Variants in HTT observed in about 807,000 individuals in gnomAD.
The protein encoded by HTT is huntington disease protein.
A neutral mutation model predicts 362.3 loss-of-function variants in HTT; 104 were observed. The ratio of observed to expected loss-of-function variants is 0.29; its 90% confidence interval spans 0.24 to 0.34. The LOEUF (loss-of-function observed/expected upper bound fraction) is 0.34. HTT is among the 10% of genes least tolerant of loss of function. HTT has a pLI of 1.00. For missense variants in HTT, 3,301 were observed against 3,928.6 expected (o/e 0.84, Z 4.27); for synonymous variants, 1,577 against 1,548.7 (o/e 1.02, Z -0.43).
chr4:3,116,284 C>G, intron 8 of HTT, 21 bp downstream of exon 8: 6 of 1,575,644 alleles, frequency 3.8e-6, no homozygotes, highest in Non-Finnish European at 5.2e-6. Flanking sequence ...AGGGTTTACT[C>G]TAGGCCCTGC....
At chr4:3,104,406 C>A (rs1375980246) in intron 4 of HTT, among the ~76,000 whole-genome samples, 1 of 151,550 alleles carries the variant, frequency 6.6e-6, no homozygotes, top group Non-Finnish European at 1.5e-5. Context: ...ATCAGGAGTT[C>A]GAGACCAGCC....
At chr4:3,136,047 A>T in intron 20 of HTT, 80 bp downstream of exon 20, 2 of 1,055,458 alleles carry the variant, frequency 1.9e-6, no homozygotes, top group Non-Finnish European at 2.8e-6. Context: ...ATTTCTCTAA[A>T]TGCATTCGTC....
chr4:3,132,421 G>A, intron 16 of HTT, 141 bp from the exon 17 acceptor site: 1 of 664,590 alleles, frequency 1.5e-6, no homozygotes, highest in South Asian at 2.1e-5. Context: ...AATCACTTAG[G>A]GTTATTATAG....
chr4:3,088,350 C>A (rs1016034668), intron 2 of HTT, among the ~76,000 whole-genome samples: 22 of 151,754 alleles, frequency 1.4e-4, no homozygotes, highest in African/African-American at 5.1e-4. Flanking sequence ...CCACACCCGG[C>A]TAATTTTTTG....
rs1409599261 is a variant in HTT at position 3,233,244 on chromosome 4, C to T, written c.8347C>T (p.Leu2783=). Reference sequence around the variant, plus strand: ...CCACCTGCCCAGCAGGGTTGGAGCCCTGCACGGCGTCCTCTATGTGCTGGA... The same window carrying T: ...CCACCTGCCCAGCAGGGTTGGAGCCTTGCACGGCGTCCTCTATGTGCTGGA... ...SSHLPSRVGA[L]HGVLYVLECD... is the part of the protein sequence containing the mutation. Residue 2783 remains leucine, a synonymous_variant, in exon 61 of 67, where the codon CTG becomes TTG. Transcript: ENST00000355072. The T allele has an allele frequency of 1.2e-6, 2 of 1,610,898 alleles. No individual in the cohort carries two copies. The highest frequency in any genetic ancestry group is 2.7e-5 in the African/African-American group (2 of 74,910).
Position 3,121,338 on chromosome 4 carries a change from A to AACCCTG in HTT, c.1183_1188dup (p.Leu395_Thr396dup). ...GAACGCCTCCACCCGAGCTTCTGCA[A>AACCCTG]ACCCTGACCGCAGTCGGGGGCATTG... is the stretch of plus-strand genomic sequence containing the variant. On this transcript the variant is annotated inframe_insertion, in exon 9 of 67. Transcript: ENST00000355072. 1 of 1,614,148 alleles carries AACCCTG rather than the reference A, an allele frequency of 6.2e-7. No homozygotes were observed. Among genetic ancestry groups the AACCCTG allele is most frequent in the Non-Finnish European group, 8.5e-7 (1 of 1,180,004 alleles).
At chr4:3,103,029 G>A (rs76115487) in intron 3 of HTT, among the ~76,000 whole-genome samples, 2,049 of 151,996 alleles carry the variant, frequency 0.013, 52 homozygotes, top group African/African-American at 0.047. Context: ...GCAGGACTCC[G>A]CCTTGGGAAG....
intron 40 of HTT, among the ~76,000 whole-genome samples, chr4:3,192,317 A>C (rs1719048450): frequency 6.6e-6 from 1 of 152,082 alleles, no homozygotes; most frequent in African/African-American, 2.4e-5. Context: ...GCTTCAGGCG[A>C]TCCTCCTGCC....
At chr4:3,186,973 C>T (rs1201129136) in intron 38 of HTT, among the ~76,000 whole-genome samples, 4 of 151,586 alleles carry the variant, frequency 2.6e-5, no homozygotes, top group African/African-American at 9.7e-5. Context: ...ATTCTCCTGC[C>T]TCAGCCTCCC....
chr4:3,219,188 G>A (rs1244471871), intron 52 of HTT, among the ~76,000 whole-genome samples: 2 of 152,166 alleles, frequency 1.3e-5, no homozygotes, highest in Non-Finnish European at 2.9e-5. Flanking sequence ...TTGCTGCATG[G>A]GGTTGCTCTC....
chr4:3,228,534 T>C lies in HTT; in HGVS notation c.7849-81T>C, dbSNP rs2110294126. On this transcript the variant is annotated intron_variant, in intron 57 of 66. Coordinates refer to ENST00000355072, the MANE Select transcript of HTT (RefSeq NM_001388492.1). This position sits in a 1 kb window ranked among gnomAD's most constrained non-coding sequence, Gnocchi z 4.3. ...AGACTGTTAGACGGTAGGCATGTGC[T>C]GAGTCCCAGTGGCCACACCCACCCA... The C allele has an allele frequency of 6.9e-7, 1 of 1,456,838 alleles. No individual in the cohort carries two copies. The highest frequency in any genetic ancestry group is 1.4e-5 in the South Asian group (1 of 70,512). 90.2% of individuals were successfully genotyped at this position (1,456,838 alleles called of 1,614,324 possible).
chr4:3,108,460 C>G (rs77080756), intron 6 of HTT, among the ~76,000 whole-genome samples: 1 of 152,176 alleles, frequency 6.6e-6, no homozygotes, highest in East Asian at 1.9e-4. Flanking sequence ...GGAGTAGGTG[C>G]TCCTTTGTGG....
chr4:3,209,831 G>A lies in HTT; in HGVS notation c.6296G>A (p.Trp2099Ter). The A allele has an allele frequency of 6.2e-7, 1 of 1,613,832 alleles. No homozygotes were observed. The highest frequency in any genetic ancestry group is 8.5e-7 in the Non-Finnish European group (1 of 1,179,856). The change falls in exon 47 of 67, where the codon TGG (tryptophan) becomes TAG (stop). Residue 2099 changes from tryptophan to a stop codon, truncating the protein, a stop_gained. Transcript: ENST00000355072. LOFTEE classifies it high-confidence loss of function. The stretch of plus-strand genomic sequence containing the variant: ...TATCCATTTTTTTCTTCCCAGGACT[G>A]GTACGTTCATCTTGTCAAATCCCAG... ...SLETVSPDKD[W>*]YVHLVKSQCW...
chr4:3,178,816 C>T (rs990233616), intron 35 of HTT, among the ~76,000 whole-genome samples: 6 of 152,040 alleles, frequency 3.9e-5, no homozygotes, highest in African/African-American at 9.7e-5. Context: ...TCGAACTTGC[C>T]GTGAATTAAA....
chr4:3,127,466 C>G lies in HTT; in HGVS notation c.1605C>G (p.Ser535Arg). Reference protein sequence around the residue: ...DEEDILSHSSSQVSAVPSDPA... With the variant: ...DEEDILSHSSRQVSAVPSDPA... ...AGGATATCTTGAGCCACAGCTCCAGCCAGGTCAGCGCCGTCCCATCTGACC... is the reference window on the plus strand; with the variant it reads ...AGGATATCTTGAGCCACAGCTCCAGGCAGGTCAGCGCCGTCCCATCTGACC... Residue 535 changes from serine to arginine, a missense_variant, in exon 12 of 67, where the codon AGC (serine) becomes AGG (arginine). Physicochemically the swap from Ser to Arg is moderately radical, Grantham distance 110. Transcript: ENST00000355072. 1 of 1,614,160 alleles carries G rather than the reference C, an allele frequency of 6.2e-7. No homozygotes were observed. Among genetic ancestry groups the G allele is most frequent in the Non-Finnish European group, 8.5e-7 (1 of 1,180,014 alleles).
chr4:3,233,375 G>C, intron 61 of HTT, 22 bp downstream of exon 61: 1 of 1,580,982 alleles, frequency 6.3e-7, no homozygotes, highest in East Asian at 2.3e-5. Context: ...CCTGGCTGGG[G>C]CTGGGGCGGG....
At chr4:3,238,736 AC>A in intron 65 of HTT, 81 bp from the exon 66 acceptor site, 3 of 590,638 alleles carry the variant, frequency 5.1e-6, no homozygotes, top group Non-Finnish European at 5.4e-6. Flanking sequence ...TCTGGCCCCC[AC>A]CCCACCCCCG....
chr4:3,237,183 C>T (rs1310035513), intron 64 of HTT, among the ~76,000 whole-genome samples: 2 of 152,010 alleles, frequency 1.3e-5, no homozygotes, highest in Non-Finnish European at 2.9e-5. Context: ...AAGTGATTCT[C>T]CTGCCTCAGC....
chr4:3,137,367 G>C (rs191375655), intron 21 of HTT, among the ~76,000 whole-genome samples: 36 of 152,182 alleles, frequency 2.4e-4, no homozygotes, highest in African/African-American at 8.4e-4. Flanking sequence ...TCCGGTTCCT[G>C]CCCCAACTCC....
Sources: gnomAD v4.1 joint callset for allele counts (sites outside exome capture counted in the v4.1 genomes callset) on GRCh38, gnomAD v4.1.1 for gene constraint, Gnocchi (gnomAD v3.1) non-coding constraint, MANE v1.5 for transcripts, NCBI Gene and HGNC (gene_info 2026-07-23, HGNC 2026-07-21) for gene names.